The following MAPK10 variants were observed in gnomAD, a reference collection of about 807,000 sequenced individuals.
The protein encoded by MAPK10 is JNK3 alpha protein kinase.
Under a neutral mutation model 59.3 loss-of-function variants are expected in MAPK10, and 25 were observed. The observed-to-expected ratio is 0.42, with a 90% CI of 0.31 to 0.59. MAPK10 has a LOEUF of 0.59. Ranked by LOEUF, MAPK10 falls within the 20% of genes least tolerant of loss-of-function variation. The pLI, the probability that MAPK10 is intolerant of heterozygous loss-of-function variation, is 0.15. For synonymous variants in MAPK10, 190 were observed against 200.5 expected, an observed-to-expected ratio of 0.95 and a Z score of 0.44; for missense variants, 351 against 568.9, an observed-to-expected ratio of 0.62 and a Z score of 3.90.
chr4:86,297,326 T>C (rs1281622768), intron 2 of MAPK10, among the ~76,000 whole-genome samples: 1 of 152,172 alleles, frequency 6.6e-6, no homozygotes, highest in Non-Finnish European at 1.5e-5. Context: ...TTGTTTTTGT[T>C]TTAGACAGAG....
intron 2 of MAPK10, among the ~76,000 whole-genome samples, chr4:86,209,129 T>C (rs1309510700): frequency 2.6e-5 from 4 of 152,054 alleles, no homozygotes; most frequent in African/African-American, 9.7e-5. Flanking sequence ...GTTCATTATA[T>C]CTCAGTTTTT....
intron 1 of MAPK10, among the ~76,000 whole-genome samples, chr4:86,497,417 G>A (rs1244706750): frequency 6.6e-6 from 1 of 152,204 alleles, no homozygotes; most frequent in Non-Finnish European, 1.5e-5. Flanking sequence ...TGCCAGGTCA[G>A]AAGACTCAGA....
chr4:86,067,064 T>C (rs1019258081), intron 10 of MAPK10, among the ~76,000 whole-genome samples: 1 of 152,198 alleles, frequency 6.6e-6, no homozygotes, highest in African/African-American at 2.4e-5. Flanking sequence ...GTTTATCATT[T>C]ACAAACATAA....
At chr4:86,439,139 A>G (rs62308368) in intron 1 of MAPK10, among the ~76,000 whole-genome samples, 1 of 151,994 alleles carries the variant, frequency 6.6e-6, no homozygotes, top group Non-Finnish European at 1.5e-5. Flanking sequence ...CTATGGTAAA[A>G]TTAGCACTTT....
At chr4:86,558,242 T>C (rs1037156015) in intron 1 of MAPK10, among the ~76,000 whole-genome samples, 1 of 152,180 alleles carries the variant, frequency 6.6e-6, no homozygotes, top group Non-Finnish European at 1.5e-5. Context: ...TTAAGTCACA[T>C]AAATTCAAGA....
Position 86,040,544 on chromosome 4 carries a change from G to A in MAPK10, c.1111-9113C>T, listed in dbSNP as rs370126896. The stretch of plus-strand genomic sequence containing the variant: ...TTAGTTCAAGAAGAGAAAGACAAAG[G>A]GGTAGGAAGTATGTTTAAGGAAATA... On this transcript the variant is annotated intron_variant, in intron 11 of 13. Coordinates refer to ENST00000641462, the MANE Select transcript of MAPK10 (RefSeq NM_138982.4). Among the ~76,000 whole-genome samples the A allele has an allele frequency of 1.2e-4, 19 of 152,082 alleles. No homozygotes were observed. The East Asian group carries it at 1.5e-3, about 12-fold the overall frequency.
intron 3 of MAPK10, among the ~76,000 whole-genome samples, chr4:86,191,200 G>A (rs2149308105): frequency 6.6e-6 from 1 of 152,320 alleles, no homozygotes; most frequent in Admixed American, 6.5e-5. Flanking sequence ...GCTATGTGGT[G>A]TTGAGAAGAA....
At chr4:86,304,740 GTA>G (rs2095537306) in intron 2 of MAPK10, among the ~76,000 whole-genome samples, 1 of 152,088 alleles carries the variant, frequency 6.6e-6, no homozygotes. Flanking sequence ...TTTCTAGACT[GTA>G]AAAACGTCTC....
At chr4:86,252,002 CA>C (rs1397024753) in intron 2 of MAPK10, among the ~76,000 whole-genome samples, 1 of 116,590 alleles carries the variant, frequency 8.6e-6, no homozygotes, top group Non-Finnish European at 1.6e-5. Context: ...TCATGTCCTT[CA>C]CCCACTTTTT....
chr4:86,148,281 A>T (rs1238808812), intron 4 of MAPK10, among the ~76,000 whole-genome samples: 1 of 152,226 alleles, frequency 6.6e-6, no homozygotes, highest in African/African-American at 2.4e-5. Flanking sequence ...TGTGAAAATG[A>T]GAGCAATTTC....
chr4:86,019,364 G>T (rs993533933), intron 13 of MAPK10, among the ~76,000 whole-genome samples: 2 of 152,042 alleles, frequency 1.3e-5, no homozygotes, highest in Admixed American at 6.6e-5. Flanking sequence ...TCTAGAAAAG[G>T]TTTTTAAAGT....
At chr4:86,076,093 G>A (rs564825811) in intron 9 of MAPK10, among the ~76,000 whole-genome samples, 4 of 152,248 alleles carry the variant, frequency 2.6e-5, no homozygotes, top group Non-Finnish European at 4.4e-5. Context: ...ATATAGTCTC[G>A]TGGTGCGCTG....
chr4:86,061,004 G>A (rs2045656242), intron 11 of MAPK10, among the ~76,000 whole-genome samples: 1 of 151,908 alleles, frequency 6.6e-6, no homozygotes, highest in Non-Finnish European at 1.5e-5. Context: ...GTATTATAAG[G>A]GTAAGAATAA....
At chr4:86,084,191 C>T (rs1042819518) in intron 9 of MAPK10, among the ~76,000 whole-genome samples, 1 of 152,130 alleles carries the variant, frequency 6.6e-6, no homozygotes, top group Non-Finnish European at 1.5e-5. Context: ...TTGTCTTGTA[C>T]CTTAGGTACC....
chr4:86,017,460 T>C lies in MAPK10; in HGVS notation c.1253-90A>G, dbSNP rs1015288629. ...AGGATTCAGGGATGGGCAAATACAA[T>C]AGGGGATGTCCAGTCCATCAATCAT... On this transcript the variant is annotated intron_variant, in intron 13 of 13. Transcript: ENST00000641462. The surrounding 1 kb of genome is among the most constrained non-coding windows in gnomAD (Gnocchi z 4.4). 21 of 1,391,524 alleles carry C rather than the reference T, an allele frequency of 1.5e-5. No individual in the cohort carries two copies. The African/African-American group carries it at 2.3e-4, about 15-fold the overall frequency. 86.2% of individuals were successfully genotyped at this position (1,391,524 alleles called of 1,614,324 possible). A position where few individuals can be genotyped will look rare whatever the true frequency, so the allele number is the denominator to read the frequency against.
chr4:86,190,386 T>C (rs1453341043), intron 3 of MAPK10, among the ~76,000 whole-genome samples: 1 of 152,186 alleles, frequency 6.6e-6, no homozygotes, highest in Non-Finnish European at 1.5e-5. Flanking sequence ...GGGCTTTTTT[T>C]GGTTGGTAGG....
At chr4:86,344,606 G>GAGGT (rs1727031941) in intron 2 of MAPK10, among the ~76,000 whole-genome samples, 1 of 140,676 alleles carries the variant, frequency 7.1e-6, no homozygotes, top group African/African-American at 2.5e-5. Flanking sequence ...GGGAGGGAGG[G>GAGGT]AGGGAAGAAG....
In MAPK10 at chr4:86,070,836, A is replaced by G. The variant is rs575653419; in HGVS notation, c.803-2881T>C. Among the ~76,000 whole-genome samples the G allele has an allele frequency of 2.7e-3, 415 of 152,182 alleles. 5 individuals carry two copies. Among genetic ancestry groups the G allele is most frequent in the African/African-American group, 9.6e-3 (397 of 41,512 alleles). On this transcript the variant is annotated intron_variant, in intron 9 of 13. Transcript: ENST00000641462. ...TTCCAAGTCTTTGCTATTGTGAATA[A>G]TGCCATAATAAAAATACGTGTGCAT...
intron 1 of MAPK10, among the ~76,000 whole-genome samples, chr4:86,581,797 C>T (rs934239466): frequency 6.8e-6 from 1 of 146,984 alleles, no homozygotes; most frequent in African/African-American, 2.5e-5. Context: ...TTTTTAAAAA[C>T]ATTATTAATT....
Sources: gnomAD v4.1 joint callset for allele counts (sites outside exome capture counted in the v4.1 genomes callset) on GRCh38, gnomAD v4.1.1 for gene constraint, Gnocchi (gnomAD v3.1) non-coding constraint, MANE v1.5 for transcripts, NCBI Gene and HGNC (gene_info 2026-07-23, HGNC 2026-07-21) for gene names.